FOCAD: variants seen among roughly 807,000 people sequenced by gnomAD.
The protein encoded by FOCAD is KIAA1797.
FOCAD carries 198 observed loss-of-function variants against 225.6 expected under a neutral mutation model. That is an observed-to-expected ratio of 0.88 (90% CI 0.78 to 0.99). The LOEUF (loss-of-function observed/expected upper bound fraction) is 0.99, where lower values mean the gene tolerates loss of function less well. Ranked by LOEUF, FOCAD falls within the 50% of genes least tolerant of loss-of-function variation. The pLI, the probability that FOCAD is intolerant of heterozygous loss-of-function variation, is 0.00. For missense variants in FOCAD, 2,713 were observed against 2,123.6 expected (o/e 1.28, Z -5.46); for synonymous variants, 897 against 755.0 (o/e 1.19, Z -3.08).
chr9:20,810,146 TC>T (rs1289901884), intron 11 of FOCAD, among the ~76,000 whole-genome samples: 1 of 152,138 alleles, frequency 6.6e-6, no homozygotes, highest in African/African-American at 2.4e-5. Context: ...AGTGCAAACT[TC>T]CTAGAGTCCT....
At chr9:20,907,033 G>A (rs760897289) in intron 21 of FOCAD, 117 bp from the exon 22 acceptor site, 2 of 711,286 alleles carry the variant, frequency 2.8e-6, no homozygotes, top group Non-Finnish European at 4.7e-6. Context: ...AGACTGATTT[G>A]GTTTGTTTTC....
Position 20,673,154 on chromosome 9 carries a change from G to A in FOCAD, c.-78+14328G>A, listed in dbSNP as rs1563868101. Among the ~76,000 whole-genome samples the A allele has an allele frequency of 2.6e-5, 4 of 152,206 alleles. No individual in the cohort carries two copies. In the South Asian group the frequency reaches 8.3e-4, roughly 32 times the overall value. On this transcript the variant is annotated intron_variant, in intron 2 of 45. Transcript: ENST00000380249. ...CAGTATAGACAGAAATGGAAGAGGA[G>A]GCCTAGTTACTCTTGTTTGTTTTTA... is the stretch of plus-strand genomic sequence containing the variant.
intron 2 of FOCAD, among the ~76,000 whole-genome samples, chr9:20,659,424 G>GAGAAAGAAAGAAAGAAAGAAAGAAAGAA (rs775515495): frequency 0.021 from 2,953 of 140,360 alleles, 85 homozygotes; most frequent in African/African-American, 0.045. Context: ...AGAAAGAAAG[G>GAGAAAGAAAGAAAGAAAGAAAGAAAGAA]AGAAAGAAAG....
At chr9:20,773,485 A>G (rs958212669) in intron 8 of FOCAD, among the ~76,000 whole-genome samples, 3 of 152,220 alleles carry the variant, frequency 2.0e-5, no homozygotes, top group Admixed American at 6.5e-5. Context: ...TAAGGCAAAT[A>G]GCACATAGAT....
chr9:20,913,742 T>A (rs1217460143), intron 23 of FOCAD, among the ~76,000 whole-genome samples: 1 of 152,214 alleles, frequency 6.6e-6, no homozygotes, highest in East Asian at 1.9e-4. Flanking sequence ...GGCAATGAAG[T>A]TTAAAACATT....
At chr9:20,756,485 A>G (rs930515457) in intron 5 of FOCAD, among the ~76,000 whole-genome samples, 7 of 152,204 alleles carry the variant, frequency 4.6e-5, no homozygotes, top group Non-Finnish European at 1.0e-4. Flanking sequence ...GAATCCTGGT[A>G]ACATATTAAA....
intron 18 of FOCAD, among the ~76,000 whole-genome samples, chr9:20,870,530 T>C (rs1829667058): frequency 6.6e-6 from 1 of 152,238 alleles, no homozygotes; most frequent in South Asian, 2.1e-4. Context: ...GCAAAAGTGA[T>C]ACATATTAGG....
chr9:20,690,382 C>T (rs537401043), intron 1 of FOCAD, among the ~76,000 whole-genome samples: 2 of 152,246 alleles, frequency 1.3e-5, no homozygotes, highest in South Asian at 4.2e-4. Context: ...CTGCTTAAGC[C>T]ACTGTACAAT....
chr9:20,738,228 A>G (rs1323448304), intron 4 of FOCAD, among the ~76,000 whole-genome samples: 1 of 152,226 alleles, frequency 6.6e-6, no homozygotes, highest in Non-Finnish European at 1.5e-5. Context: ...AAGGAAGAAG[A>G]CAAGGCAATA....
At chr9:20,861,941 T>C (rs150223230) in intron 15 of FOCAD, among the ~76,000 whole-genome samples, 7 of 152,202 alleles carry the variant, frequency 4.6e-5, no homozygotes, top group African/African-American at 1.2e-4. Context: ...TTTAAGAAAA[T>C]TGGGTCAAGT....
At chr9:20,848,698 A>G (rs1827359853) in intron 15 of FOCAD, among the ~76,000 whole-genome samples, 2 of 152,002 alleles carry the variant, frequency 1.3e-5, no homozygotes, top group Non-Finnish European at 2.9e-5. Flanking sequence ...ATAATGAGAA[A>G]GGAATCATGC....
intron 21 of FOCAD, among the ~76,000 whole-genome samples, chr9:20,896,764 C>T (rs1333922016): frequency 6.6e-6 from 1 of 151,722 alleles, no homozygotes; most frequent in Non-Finnish European, 1.5e-5. Flanking sequence ...TTGTTAAGGT[C>T]TGTGTTATGG....
At chr9:20,734,819 A>G (rs1305267958) in intron 4 of FOCAD, among the ~76,000 whole-genome samples, 1 of 151,750 alleles carries the variant, frequency 6.6e-6, no homozygotes, top group Non-Finnish European at 1.5e-5. Context: ...CAGTTTTTGT[A>G]TTTTTTGTAG....
At chr9:20,686,189 C>G (rs190099821) in intron 1 of FOCAD, among the ~76,000 whole-genome samples, 1 of 152,210 alleles carries the variant, frequency 6.6e-6, no homozygotes, top group South Asian at 2.1e-4. Flanking sequence ...GACAGGGTCA[C>G]TCTGTCGCCC....
intron 27 of FOCAD, 96 bp downstream of exon 27, chr9:20,929,692 G>C (rs1835288194): frequency 1.0e-6 from 1 of 966,948 alleles, no homozygotes; most frequent in African/African-American, 1.6e-5. Context: ...TTGTATCTGA[G>C]CAATATGTGT....
At chr9:20,814,520 C>T (rs981501866) in intron 11 of FOCAD, among the ~76,000 whole-genome samples, 1 of 151,772 alleles carries the variant, frequency 6.6e-6, no homozygotes. Flanking sequence ...CAATGCCCAG[C>T]TAATTTCTGT....
intron 1 of FOCAD, among the ~76,000 whole-genome samples, chr9:20,709,065 A>G (rs1010031663): frequency 6.6e-6 from 1 of 152,144 alleles, no homozygotes; most frequent in South Asian, 2.1e-4. Context: ...TAGAGAAACT[A>G]TTGAGAAAGT....
At chr9:20,696,920 TA>T (rs1181405218) in intron 1 of FOCAD, among the ~76,000 whole-genome samples, 6 of 152,302 alleles carry the variant, frequency 3.9e-5, no homozygotes, top group African/African-American at 1.4e-4. Context: ...GGTGCCAATG[TA>T]AAAGTCGGTC....
At chr9:20,758,236 G>C (rs778966586) in intron 6 of FOCAD, 45 bp downstream of exon 6, 1 of 1,364,882 alleles carries the variant, frequency 7.3e-7, no homozygotes, top group Non-Finnish European at 1.0e-6. Context: ...GAGACAGAAT[G>C]GTATATGCTA....
Sources: gnomAD v4.1 joint callset for allele counts (sites outside exome capture counted in the v4.1 genomes callset) on GRCh38, gnomAD v4.1.1 for gene constraint, MANE v1.5 for transcripts, NCBI Gene and HGNC (gene_info 2026-07-23, HGNC 2026-07-21) for gene names.